Variants in ZNF81 observed in about 807,000 individuals in gnomAD.
ZNF81 encodes the protein zinc finger protein 81 (HFZ20).
ZNF81 carries 5 observed loss-of-function variants against 32.3 expected under a neutral mutation model. The observed-to-expected ratio is 0.15, with a 90% CI of 0.08 to 0.33. ZNF81 has a LOEUF of 0.33. ZNF81 is among the 10% of genes least tolerant of loss of function. The pLI is 1.00. For missense variants in ZNF81, 379 were observed against 479.8 expected (o/e 0.79, Z 1.96); for synonymous variants, 163 against 166.8 (o/e 0.98, Z 0.17).
chrX:47,840,127 CT>C (rs34211141), intron 1 of ZNF81, among the ~76,000 whole-genome samples: 10,392 of 82,596 alleles, frequency 0.13, 913 homozygotes, highest in African/African-American at 0.32. Flanking sequence ...TCTTCTCTCT[CT>C]TTTTTTTTTT....
Position 47,917,571 on chromosome X carries a change from G to A in ZNF81, c.*939G>A, listed in dbSNP as rs2058761852. ...TGAAGAATCTCAAATTGCCCTACTC[G>A]GGGGTGAGGAGCCACCACATGGAGC... On this transcript the variant is annotated 3_prime_UTR_variant, in exon 5 of 5. Transcript: ENST00000338637. 1 of 229,402 alleles carries A rather than the reference G, an allele frequency of 4.4e-6. No homozygotes were observed. The highest frequency in any genetic ancestry group is 7.9e-6 in the Non-Finnish European group (1 of 127,188). The allele number at this position is 229,402 out of a possible 1,213,427, so 18.9% of individuals were successfully genotyped here.
intron 4 of ZNF81, 68 bp downstream of exon 4, chrX:47,896,008 G>A: frequency 3.7e-6 from 3 of 813,410 alleles, no homozygotes; most frequent in African/African-American, 4.0e-5. Flanking sequence ...GAAGACCGAT[G>A]CCTTTAAAAT....
rs1185883540 is a variant in ZNF81, at chrX:47,918,466, T to TA, written c.*1839dup. 2.7e-5 allele frequency: 3 copies of TA among 111,612 alleles called. 1 individual carries two copies. Among genetic ancestry groups the TA allele is most frequent in the Non-Finnish European group, 5.6e-5 (3 of 53,133 alleles). The allele number at this position is 111,612 out of a possible 1,213,427, so 9.2% of individuals were successfully genotyped here. A position where few individuals can be genotyped will look rare whatever the true frequency, so the allele number is the denominator to read the frequency against. On this transcript the variant is annotated 3_prime_UTR_variant, in exon 5 of 5. Transcript: ENST00000338637. ...ACTCAAAGTGGAGAGAGACCTATCT[T>TA]AAAAAGAATTGCTGATGTGGCATTT...
intron 1 of ZNF81, among the ~76,000 whole-genome samples, chrX:47,844,705 A>G (rs988027517): frequency 3.6e-5 from 4 of 111,909 alleles, no homozygotes; most frequent in Non-Finnish European, 7.5e-5. Context: ...TATGAGTGGA[A>G]TTTCTGGGTT....
rs1556890770 is a variant in ZNF81, at chrX:47,916,066, G to A, written c.1420G>A (p.Asp474Asn). The A allele has an allele frequency of 8.3e-7, 1 of 1,209,493 alleles. No individual in the cohort carries two copies. Among genetic ancestry groups the A allele is most frequent in the African/African-American group, 1.8e-5 (1 of 57,033 alleles). ...HTGEKPYECS[D>N]CGKSFPSKSQ... ...TGGAGAGAAGCCTTATGAATGCAGT[G>A]ACTGTGGGAAATCTTTCCCTTCTAA... Residue 474 changes from aspartate to asparagine, a missense_variant, in exon 5 of 5, where the codon GAC becomes AAC. By Grantham distance (23) the Asp-to-Asn change is conservative (BLOSUM62 1). Around this residue, in one of 2 missense-constraint regions of ZNF81, gnomAD observed 102 missense variants for 173.2 expected, o/e 0.59. Coordinates refer to ENST00000338637, the MANE Select transcript of ZNF81 (RefSeq NM_007137.5).
At chrX:47,895,642 C>T (rs1556887071) in intron 3 of ZNF81, among the ~76,000 whole-genome samples, 2 of 111,844 alleles carry the variant, frequency 1.8e-5, no homozygotes, top group Admixed American at 9.5e-5. Context: ...TACAGAGCCT[C>T]GTTGTGTTTC....
chrX:47,840,114 A>G (rs1184954174), intron 1 of ZNF81, among the ~76,000 whole-genome samples: 2 of 87,721 alleles, frequency 2.3e-5, no homozygotes, highest in Non-Finnish European at 4.4e-5. Context: ...TTGTGTCTTC[A>G]TGTCTTCTCT....
intron 2 of ZNF81, among the ~76,000 whole-genome samples, chrX:47,852,912 G>C (rs1014792613): frequency 8.9e-6 from 1 of 112,478 alleles, no homozygotes; most frequent in Non-Finnish European, 1.9e-5. Context: ...CTTACAAAAC[G>C]TATTTCTTAA....
In ZNF81 at chrX:47,917,473, A is replaced by G. The variant is rs2058761498; in HGVS notation, c.*841A>G. The G allele has an allele frequency of 3.5e-6, 1 of 284,040 alleles. No individual in the cohort carries two copies. The highest frequency in any genetic ancestry group is 6.2e-6 in the Non-Finnish European group (1 of 161,763). 23.4% of individuals were successfully genotyped at this position (284,040 alleles called of 1,213,427 possible). A position where few individuals can be genotyped will look rare whatever the true frequency, so the allele number is the denominator to read the frequency against. ...TTGGCCAATGGAAATTAGCAAAGAG[A>G]ATCAATAAGAAGCTTGAGAAGTGTG... On this transcript the variant is annotated 3_prime_UTR_variant, in exon 5 of 5. Transcript: ENST00000338637.
At chrX:47,905,304 G>T (rs868910563) in intron 4 of ZNF81, among the ~76,000 whole-genome samples, 1 of 103,996 alleles carries the variant, frequency 9.6e-6, no homozygotes, top group African/African-American at 3.5e-5. Flanking sequence ...CCAGCTGCTC[G>T]AGAGGCTGAG....
rs2058447894 is a variant in ZNF81, at chrX:47,841,200, T to C, written c.-164+4213T>C. 3 of 746,416 alleles carry C rather than the reference T, an allele frequency of 4.0e-6. No homozygotes were observed. The South Asian group carries it at 6.2e-5, about 16-fold the overall frequency. The allele number at this position is 746,416 out of a possible 1,213,427, so 61.5% of individuals were successfully genotyped here. A position where few individuals can be genotyped will look rare whatever the true frequency, so the allele number is the denominator to read the frequency against. The stretch of plus-strand genomic sequence containing the variant: ...GGTGCTCCTCAATCACTGTACTGTC[T>C]GTCAGAGGGATGGTCTTATTCTTGA... On this transcript the variant is annotated intron_variant, in intron 1 of 4. Coordinates refer to ENST00000338637, the MANE Select transcript of ZNF81 (RefSeq NM_007137.5).
In ZNF81 at chrX:47,895,837, G is replaced by T; in HGVS notation, c.182-8G>T. ...TGGACCCAATTCTCTATCGTGTCCT[G>T]TTAACAGGGTTCGAAGTTCCTAAAC... is the stretch of plus-strand genomic sequence containing the variant. On this transcript the variant is annotated splice_region_variant and splice_polypyrimidine_tract_variant and intron_variant, in intron 3 of 4. Transcript: ENST00000338637. The T allele has an allele frequency of 8.4e-7, 1 of 1,197,356 alleles. No individual in the cohort carries two copies.
At chrX:47,897,029 A>G (rs782771639) in intron 4 of ZNF81, among the ~76,000 whole-genome samples, 112 of 112,451 alleles carry the variant, frequency 1.0e-3, no homozygotes, top group African/African-American at 3.5e-3. Flanking sequence ...ATGAAGCTGC[A>G]GTGAACATTC....
At chrX:47,866,012 C>G (rs1351881584) in intron 2 of ZNF81, among the ~76,000 whole-genome samples, 1 of 112,250 alleles carries the variant, frequency 8.9e-6, no homozygotes, top group African/African-American at 3.2e-5. Context: ...ACACTAAAGC[C>G]TAACCTACTC....
Position 47,915,130 on chromosome X carries a change from A to G in ZNF81, c.484A>G (p.Asn162Asp), listed in dbSNP as rs2058751552. The G allele has an allele frequency of 8.3e-7, 1 of 1,203,551 alleles. No homozygotes were observed. The highest frequency in any genetic ancestry group is 1.1e-6 in the Non-Finnish European group (1 of 892,695). Residue 162 changes from asparagine to aspartate, a missense_variant, in exon 5 of 5, where the codon AAT (asparagine) becomes GAT (aspartate). Physicochemically the swap from Asn to Asp is conservative, Grantham distance 23 (BLOSUM62 1). Coordinates refer to ENST00000338637, the MANE Select transcript of ZNF81 (RefSeq NM_007137.5). ...RTTFLNKKIL[N>D]TEWDYEYKDF... ...TACTTTCCTCAATAAGAAAATATTG[A>G]ATACAGAGTGGGATTATGAATATAA...
At chrX:47,913,970 G>A (rs1295795726) in intron 4 of ZNF81, among the ~76,000 whole-genome samples, 1 of 111,222 alleles carries the variant, frequency 9.0e-6, no homozygotes, top group African/African-American at 3.3e-5. Flanking sequence ...TTAATATTTA[G>A]GCAAGAAGAT....
At chrX:47,865,491 G>A (rs2058556549) in intron 2 of ZNF81, among the ~76,000 whole-genome samples, 1 of 111,973 alleles carries the variant, frequency 8.9e-6, no homozygotes, top group Non-Finnish European at 1.9e-5. Flanking sequence ...GATCCCATTA[G>A]GCAAAATCAC....
chrX:47,869,441 A>G (rs2058572121), intron 2 of ZNF81, among the ~76,000 whole-genome samples: 1 of 112,063 alleles, frequency 8.9e-6, no homozygotes, highest in Non-Finnish European at 1.9e-5. Context: ...GCAGCATAAC[A>G]AATAACAGAT....
chrX:47,917,322 T>A lies in ZNF81; in HGVS notation c.*690T>A. 1 of 297,180 alleles carries A rather than the reference T, an allele frequency of 3.4e-6. No individual in the cohort carries two copies. Among genetic ancestry groups the A allele is most frequent in the East Asian group, 4.8e-5 (1 of 21,049 alleles). 24.5% of individuals were successfully genotyped at this position (297,180 alleles called of 1,213,427 possible). A position where few individuals can be genotyped will look rare whatever the true frequency, so the allele number is the denominator to read the frequency against. ...AATATAATCCTGTCATTCGTACTGG[T>A]TTCCATGACATAGTATCTTGTTTTC... On this transcript the variant is annotated 3_prime_UTR_variant, in exon 5 of 5. Coordinates refer to ENST00000338637, the MANE Select transcript of ZNF81 (RefSeq NM_007137.5).
Sources: allele counts gnomAD v4.1 joint callset (sites outside exome capture counted in the v4.1 genomes callset), GRCh38; gene constraint gnomAD v4.1.1; regional missense constraint gnomAD v4.1.1; transcripts MANE v1.5; gene names NCBI Gene and HGNC (gene_info 2026-07-23, HGNC 2026-07-21).